The following SGCD variants were observed in gnomAD, a reference collection of about 807,000 sequenced individuals.
SGCD encodes delta-sarcoglycan.
Under a neutral mutation model 36.6 loss-of-function variants are expected in SGCD, and 18 were observed. The ratio of observed to expected loss-of-function variants is 0.49; its 90% CI spans 0.34 to 0.73. SGCD has a LOEUF of 0.73. SGCD is among the 30% of genes least tolerant of loss of function. The pLI is 0.01. For synonymous variants in SGCD, 133 were observed against 130.6 expected (o/e 1.02, Z -0.12); for missense variants, 387 against 346.7 (o/e 1.12, Z -0.92).
rs547503086 is a variant in SGCD at position 155,916,122 on chromosome 5, C to T, written c.-282+45698C>T. Among the ~76,000 whole-genome samples the T allele has an allele frequency of 3.3e-5, 5 of 152,256 alleles. No homozygotes were observed. The South Asian group carries it at 8.3e-4, about 25-fold the overall frequency. On this transcript the variant is annotated intron_variant, in intron 1 of 9. Coordinates refer to the SGCD transcript ENST00000517913. ...TGAAACACAAACATGCACACATAGA[C>T]CCACAGTATAAGCAAAGAAAGTAAG...
intron 5 of SGCD, among the ~76,000 whole-genome samples, chr5:156,591,818 T>G (rs1352244784): frequency 3.3e-5 from 5 of 152,146 alleles, no homozygotes; most frequent in Non-Finnish European, 5.9e-5. Flanking sequence ...TAGAGTCATT[T>G]TTAAGGATTC....
chr5:156,599,772 C>G (rs1761090646), intron 6 of SGCD, among the ~76,000 whole-genome samples: 1 of 152,208 alleles, frequency 6.6e-6, no homozygotes, highest in Non-Finnish European at 1.5e-5. Flanking sequence ...AGCAGAGCAA[C>G]CAAGAGCCAT....
chr5:156,272,051 T>C (rs12657973), intron 3 of SGCD, among the ~76,000 whole-genome samples: 32,641 of 152,124 alleles, frequency 0.21, 3,921 homozygotes, highest in Admixed American at 0.27. Context: ...GATACAGGTG[T>C]TTTTTGGTTG....
chr5:156,711,923 A>G (rs553197551), intron 7 of SGCD, among the ~76,000 whole-genome samples: 1 of 152,318 alleles, frequency 6.6e-6, no homozygotes, highest in East Asian at 1.9e-4. Context: ...TTTCTTGATC[A>G]TATGCTTAAC....
At chr5:156,162,420 G>A (rs542775937) in intron 3 of SGCD, among the ~76,000 whole-genome samples, 3 of 151,632 alleles carry the variant, frequency 2.0e-5, no homozygotes, top group South Asian at 4.1e-4. Context: ...GATGGAGGTT[G>A]TTCTGCAGTG....
At chr5:155,925,777 A>C (rs991920815) in intron 1 of SGCD, among the ~76,000 whole-genome samples, 2 of 151,948 alleles carry the variant, frequency 1.3e-5, no homozygotes, top group South Asian at 4.2e-4. Flanking sequence ...CACCTTACCC[A>C]GCTAATTTTT....
At chr5:156,745,901 A>G (rs921706256) in intron 7 of SGCD, among the ~76,000 whole-genome samples, 1 of 152,088 alleles carries the variant, frequency 6.6e-6, no homozygotes, top group Non-Finnish European at 1.5e-5. Flanking sequence ...GAGTAAGAAC[A>G]TCTAATCCAA....
At chr5:156,342,526 A>C (rs1768716367) in intron 2 of SGCD, among the ~76,000 whole-genome samples, 1 of 152,176 alleles carries the variant, frequency 6.6e-6, no homozygotes, top group African/African-American at 2.4e-5. Flanking sequence ...GAAAATAAAA[A>C]CCTAATTTAT....
rs193117676 is a variant in SGCD at position 156,069,374 on chromosome 5, A to G, written c.-281-48504A>G. ...CAGTTTTCCCAGCACCATTTATTAA[A>G]TAGGGAATCCTTTCCCCATTGCTTG... is the stretch of plus-strand genomic sequence containing the variant. On this transcript the variant is annotated intron_variant, in intron 1 of 9. Coordinates refer to the SGCD transcript ENST00000517913. 5.8e-4 allele frequency among the ~76,000 whole-genome samples: 89 copies of G among 152,258 alleles called. 1 individual carries two copies. The highest frequency in any genetic ancestry group is 2.1e-3 in the African/African-American group (86 of 41,496).
At chr5:156,522,704 A>T (rs2113048288) in intron 4 of SGCD, among the ~76,000 whole-genome samples, 1 of 151,638 alleles carries the variant, frequency 6.6e-6, no homozygotes, top group Middle Eastern at 3.4e-3. Flanking sequence ...TACTTAACAA[A>T]CCTGTACATT....
chr5:155,838,672 G>A, the SGCD span, among the ~76,000 whole-genome samples: 1 of 150,736 alleles, frequency 6.6e-6, no homozygotes, highest in Non-Finnish European at 1.5e-5. Flanking sequence ...TAGGTGTACA[G>A]TAGTTTTCCA....
At chr5:156,140,830 A>C (rs552814541) in intron 3 of SGCD, among the ~76,000 whole-genome samples, 2 of 152,346 alleles carry the variant, frequency 1.3e-5, no homozygotes, top group Admixed American at 6.5e-5. Context: ...TATGGATAGA[A>C]GTTAGCCCCA....
rs546656455 is a variant in SGCD at position 156,559,976 on chromosome 5, G to T, written c.295-29255G>T. On this transcript the variant is annotated intron_variant, in intron 4 of 8. Coordinates refer to ENST00000337851, the MANE Select transcript of SGCD (RefSeq NM_000337.6). ...TTATATTTTTCCCTCCAATGGAAGA[G>T]AAAAAAGGACAATGTCTGAAGTTTC... Among the ~76,000 whole-genome samples, 11 of 152,188 alleles carry T rather than the reference G, an allele frequency of 7.2e-5. No individual in the cohort carries two copies. The East Asian group carries it at 2.1e-3, about 29-fold the overall frequency.
intron 3 of SGCD, among the ~76,000 whole-genome samples, chr5:156,475,592 A>G (rs1050604858): frequency 6.6e-6 from 1 of 152,192 alleles, no homozygotes; most frequent in Non-Finnish European, 1.5e-5. Flanking sequence ...AGGAGGAGAC[A>G]AGATACTTTG....
chr5:155,867,830 T>C (rs1332928112), upstream of SGCD, among the ~76,000 whole-genome samples: 1 of 152,164 alleles, frequency 6.6e-6, no homozygotes, highest in East Asian at 1.9e-4. Flanking sequence ...AGAACAGGTT[T>C]CTGTTTTTGA....
At chr5:156,270,000 A>C (rs561037014) in intron 3 of SGCD, among the ~76,000 whole-genome samples, 1 of 152,300 alleles carries the variant, frequency 6.6e-6, no homozygotes, top group East Asian at 1.9e-4. Flanking sequence ...CATTTTAATA[A>C]CTTTGGGTTT....
At chr5:155,843,560 C>T in the SGCD span, among the ~76,000 whole-genome samples, 1 of 152,186 alleles carries the variant, frequency 6.6e-6, no homozygotes, top group Admixed American at 6.5e-5. Context: ...TCTCTTTCTG[C>T]CATGTATATA....
intron 1 of SGCD, among the ~76,000 whole-genome samples, chr5:156,048,525 G>T (rs1759832186): frequency 2.0e-5 from 3 of 152,068 alleles, no homozygotes; most frequent in South Asian, 2.1e-4. Flanking sequence ...CTAACTGGTG[G>T]GAGATGGGGT....
intron 1 of SGCD, among the ~76,000 whole-genome samples, chr5:156,099,389 C>A (rs1351113418): frequency 6.6e-6 from 1 of 152,094 alleles, no homozygotes. Context: ...ACTATTATAA[C>A]TCATCTTGCC....
Sources: gnomAD v4.1 joint callset for allele counts (sites outside exome capture counted in the v4.1 genomes callset) on GRCh38, gnomAD v4.1.1 for gene constraint, MANE v1.5 for transcripts, NCBI Gene and HGNC (gene_info 2026-07-23, HGNC 2026-07-21) for gene names.